CEP192: variants seen among roughly 807,000 people sequenced by gnomAD.
The protein encoded by CEP192 is centrosomal protein 192, also known as centrosomal protein of 192 kDa.
Under a neutral mutation model 271.8 loss-of-function variants are expected in CEP192, and 151 were observed. The observed-to-expected ratio is 0.56, with a 90% confidence interval of 0.49 to 0.64. The LOEUF is 0.64. Among genes scored for constraint, CEP192 ranks in the 30% least tolerant of loss-of-function variants. The probability of loss-of-function intolerance (pLI) is 0.00; values close to 1 mark genes in which losing one functional copy is unlikely to be tolerated. For missense variants in CEP192, 2,910 were observed against 3,020.5 expected, an observed-to-expected ratio of 0.96 and a Z score of 0.86; for synonymous variants, 995 against 1,076.5, an observed-to-expected ratio of 0.92 and a Z score of 1.48.
chr18:13,024,407 T>C (rs1053160982), intron 9 of CEP192: 58 of 433,898 alleles, frequency 1.3e-4, no homozygotes, highest in Non-Finnish European at 3.2e-5. Context: ...TATACTTAGG[T>C]CTTGTTTTTT....
chr18:13,111,965 C>G (rs756728553), intron 40 of CEP192, among the ~76,000 whole-genome samples: 1 of 152,008 alleles, frequency 6.6e-6, no homozygotes, highest in Non-Finnish European at 1.5e-5. Context: ...TTTAAAAAAA[C>G]AGAAAATAAC....
At chr18:13,070,332 C>G (rs1460108515) in intron 27 of CEP192, among the ~76,000 whole-genome samples, 1 of 151,984 alleles carries the variant, frequency 6.6e-6, no homozygotes, top group Non-Finnish European at 1.5e-5. Flanking sequence ...CTTTTTTTGA[C>G]TAAAAATCTT....
At chr18:13,082,315 ATAGT>A (rs1460163940) in intron 30 of CEP192, among the ~76,000 whole-genome samples, 1 of 151,358 alleles carries the variant, frequency 6.6e-6, no homozygotes, top group East Asian at 1.9e-4. Flanking sequence ...TATATTTAGG[ATAGT>A]TAGCTCTTCT....
intron 11 of CEP192, among the ~76,000 whole-genome samples, chr18:13,035,640 C>G (rs547957811): frequency 1.3e-5 from 2 of 152,102 alleles, no homozygotes; most frequent in East Asian, 3.8e-4. Flanking sequence ...TCTTTTGGGC[C>G]GAGTTTCCTA....
chr18:13,005,922 C>G (rs893714227), intron 3 of CEP192, among the ~76,000 whole-genome samples: 6 of 152,178 alleles, frequency 3.9e-5, no homozygotes, highest in African/African-American at 1.4e-4. Flanking sequence ...TACATGAAGT[C>G]TGGTATAATC....
chr18:13,032,554 T>C (rs1286807716), intron 11 of CEP192, among the ~76,000 whole-genome samples: 1 of 152,172 alleles, frequency 6.6e-6, no homozygotes, highest in Non-Finnish European at 1.5e-5. Context: ...TGTAAATTGG[T>C]ACAGCCATTT....
intron 5 of CEP192, among the ~76,000 whole-genome samples, chr18:13,014,511 T>C (rs902663804): frequency 6.6e-6 from 1 of 152,206 alleles, no homozygotes; most frequent in Non-Finnish European, 1.5e-5. Flanking sequence ...TTTTACATAT[T>C]GTGCTTTCCC....
At chr18:13,029,438 G>A (rs563974062) in intron 9 of CEP192, among the ~76,000 whole-genome samples, 2 of 152,182 alleles carry the variant, frequency 1.3e-5, no homozygotes, top group Admixed American at 6.5e-5. Flanking sequence ...ATCTCTTGAT[G>A]TGTTTCCTAT....
chr18:13,048,956 T>C lies in CEP192; in HGVS notation c.2165T>C (p.Ile722Thr), dbSNP rs2036624196. 1 of 1,613,988 alleles carries C rather than the reference T, an allele frequency of 6.2e-7. No individual in the cohort carries two copies. The stretch of plus-strand genomic sequence containing the variant: ...AGGATCAGCACCATTGCTTCAGCCA[T>C]TGCAGAGGCATCAGTTAATACTGAT... ...MLRISTIASAIAEASVNTDPS... is the reference protein window; with the variant it reads ...MLRISTIASATAEASVNTDPS... The change falls in exon 16 of 45, where the codon ATT (isoleucine) becomes ACT (threonine). Residue 722 changes from isoleucine to threonine, a missense_variant. Ile to Thr is a moderately conservative substitution (Grantham distance 89, BLOSUM62 -1). Coordinates refer to ENST00000506447, the MANE Select transcript of CEP192 (RefSeq NM_032142.4).
intron 43 of CEP192, among the ~76,000 whole-genome samples, 197 bp downstream of exon 43, chr18:13,116,700 C>G (rs1220358717): frequency 6.6e-6 from 1 of 152,038 alleles, no homozygotes; most frequent in Admixed American, 6.6e-5. Context: ...AGCTCCACCT[C>G]CCGGGTTCAT....
chr18:13,005,563 C>G (rs1198304921), intron 3 of CEP192, among the ~76,000 whole-genome samples: 1 of 152,142 alleles, frequency 6.6e-6, no homozygotes, highest in African/African-American at 2.4e-5. Context: ...CTTGTTGGTC[C>G]TTGTTGATGG....
In CEP192 at chr18:13,017,322, A is replaced by T; in HGVS notation, c.775A>T (p.Asn259Tyr). The T allele has an allele frequency of 6.5e-7, 1 of 1,544,586 alleles. No homozygotes were observed. Among genetic ancestry groups the T allele is most frequent in the Non-Finnish European group, 8.7e-7 (1 of 1,145,006 alleles). ...AGAAAAAGGTTTTAAGTTACCTACA[A>T]ATGGTCTTAGACAGGTGTGTTCCAG... ...PPEKGFKLPT[N>Y]GLRQANENGS... The change falls in exon 7 of 45, where the codon AAT (asparagine) becomes TAT (tyrosine). Residue 259 changes from asparagine (N) to tyrosine (Y), a missense_variant. By Grantham distance (143) the Asn-to-Tyr change is moderately radical. Transcript: ENST00000506447.
intron 39 of CEP192, chr18:13,103,811 T>A: frequency 5.0e-6 from 3 of 603,898 alleles, no homozygotes; most frequent in South Asian, 4.6e-5. Context: ...TGCCTTAGCC[T>A]CCCATGTGGC....
In CEP192 at chr18:13,021,019, G is replaced by T. The variant is rs541315188; in HGVS notation, c.1050+1813G>T. Reference sequence around the variant, plus strand: ...AAATTTTCCTCCCATTCTGTAGGTTGTCTTTTACTTTCTTGATATTGTCCT... The same window carrying T: ...AAATTTTCCTCCCATTCTGTAGGTTTTCTTTTACTTTCTTGATATTGTCCT... On this transcript the variant is annotated intron_variant, in intron 9 of 44. Coordinates refer to ENST00000506447, the MANE Select transcript of CEP192 (RefSeq NM_032142.4). Among the ~76,000 whole-genome samples, 4 of 152,188 alleles carry T rather than the reference G, an allele frequency of 2.6e-5. No homozygotes were observed. The South Asian group carries it at 6.2e-4, about 24-fold the overall frequency.
intron 11 of CEP192, among the ~76,000 whole-genome samples, chr18:13,036,749 G>T (rs569331698): frequency 6.6e-6 from 1 of 152,348 alleles, no homozygotes; most frequent in South Asian, 2.1e-4. Context: ...TGAGGTGCTC[G>T]GCAGCAGCCT....
intron 27 of CEP192, 56 bp from the exon 28 acceptor site, chr18:13,070,983 T>C: frequency 7.1e-7 from 1 of 1,415,112 alleles, no homozygotes; most frequent in East Asian, 2.3e-5. Flanking sequence ...ATATAGGAAA[T>C]AGTTGCGAAA....
chr18:13,099,584 A>T lies in CEP192; in HGVS notation c.6663+3A>T. ...TACACTGTGACGATGGACAGAAGGTACTTTTAAAAGTGGTTTGGTTTTTTT... is the reference window on the plus strand; with the variant it reads ...TACACTGTGACGATGGACAGAAGGTTCTTTTAAAAGTGGTTTGGTTTTTTT... On this transcript the variant is annotated splice_donor_region_variant and intron_variant, in intron 37 of 44. Transcript: ENST00000506447. 1 of 1,497,780 alleles carries T rather than the reference A, an allele frequency of 6.7e-7. No individual in the cohort carries two copies. The allele number at this position is 1,497,780 out of a possible 1,614,324, so 92.8% of individuals were successfully genotyped here.
At position 13,100,499 on chromosome 18, in the gene CEP192, T is replaced by G. The variant is rs1308421555; in HGVS notation, c.6858T>G (p.Pro2286=). ...NKSITFPTTE[P]GETSESCLEL... is the part of the protein sequence containing the mutation. ...GTATTACTTTTCCTACAACAGAACCTGGTGAAACTTCAGGTATTGTATCAC... is the reference window on the plus strand; with the variant it reads ...GTATTACTTTTCCTACAACAGAACCGGGTGAAACTTCAGGTATTGTATCAC... Residue 2286 remains proline, a synonymous_variant, in exon 38 of 45, where the codon CCT becomes CCG. Transcript: ENST00000506447. 6.2e-7 allele frequency: 1 copy of G among 1,611,636 alleles called. No homozygotes were observed. Among genetic ancestry groups the G allele is most frequent in the South Asian group, 1.1e-5 (1 of 91,028 alleles).
intron 25 of CEP192, 38 bp downstream of exon 25, chr18:13,069,029 T>C: frequency 6.2e-7 from 1 of 1,614,142 alleles, no homozygotes; most frequent in Non-Finnish European, 8.5e-7. Context: ...ACTGCTTTCA[T>C]TCATGCTGAT....
Sources: allele counts gnomAD v4.1 joint callset (sites outside exome capture counted in the v4.1 genomes callset), GRCh38; gene constraint gnomAD v4.1.1; transcripts MANE v1.5; gene names NCBI Gene and HGNC (gene_info 2026-07-23, HGNC 2026-07-21).